Variants in GSTM5 observed in about 807,000 individuals in gnomAD.
The protein encoded by GSTM5 is GST class-mu 5.
Under a neutral mutation model 29.0 loss-of-function variants are expected in GSTM5, and 24 were observed. That is an observed-to-expected ratio of 0.83 (90% CI 0.60 to 1.16). The LOEUF (loss-of-function observed/expected upper bound fraction) is 1.16. Ranked by LOEUF, GSTM5 falls within the 50% of genes most tolerant of loss-of-function variation. The pLI is 0.00. For synonymous variants in GSTM5, 91 were observed against 93.6 expected, an observed-to-expected ratio of 0.97 and a Z score of 0.16; for missense variants, 290 against 263.0, an observed-to-expected ratio of 1.10 and a Z score of -0.71.
rs1261793022 is a variant in GSTM5, at chr1:109,715,059, A to T, written c.456+17A>T. 6.2e-7 allele frequency: 1 copy of T among 1,614,124 alleles called. No homozygotes were observed. Among genetic ancestry groups the T allele is most frequent in the South Asian group, 1.1e-5 (1 of 91,076 alleles). ...GGAGACAAGGTAAAGGAGGAGTGAT[A>T]TGGGGAATGAGATCTGTTTTACTTC... On this transcript the variant is annotated intron_variant, in intron 6 of 7. Transcript: ENST00000256593.
chr1:109,713,418 T>C (rs745376046), intron 3 of GSTM5, 66 bp from the exon 4 acceptor site: 3 of 1,604,870 alleles, frequency 1.9e-6, no homozygotes, highest in African/African-American at 1.3e-5. Flanking sequence ...TGCCCTTGCA[T>C]ATGGGAAGGG....
In GSTM5 at chr1:109,712,634, G is replaced by T. The variant is rs962686646; in HGVS notation, c.53G>T (p.Arg18Leu). ...CTCTCCCAGCTGGCCCACGCCATCCGCTTGCTCCTGGAATACACAGACTCA... is the reference window on the plus strand; with the variant it reads ...CTCTCCCAGCTGGCCCACGCCATCCTCTTGCTCCTGGAATACACAGACTCA... Reference protein sequence around the residue: ...WDIRGLAHAIRLLLEYTDSSY... With the variant: ...WDIRGLAHAILLLLEYTDSSY... Residue 18 changes from arginine to leucine, a missense_variant, in exon 2 of 8, where the codon CGC (arginine) becomes CTC (leucine). Coordinates refer to ENST00000256593, the MANE Select transcript of GSTM5 (RefSeq NM_000851.4). The T allele has an allele frequency of 6.2e-7, 1 of 1,613,948 alleles. No individual in the cohort carries two copies. Among genetic ancestry groups the T allele is most frequent in the Non-Finnish European group, 8.5e-7 (1 of 1,179,942 alleles).
intron 5 of GSTM5, chr1:109,714,555 T>C: frequency 4.3e-6 from 1 of 233,326 alleles, no homozygotes; most frequent in Non-Finnish European, 8.4e-6. Context: ...CAATGTTCAT[T>C]GTTTTCTTCT....
chr1:109,715,913 C>A, intron 7 of GSTM5: 1 of 749,424 alleles, frequency 1.3e-6, no homozygotes. Context: ...CTCTTTTTTT[C>A]CCTCCAATGT....
At chr1:109,716,299 T>C (rs964578266) in intron 7 of GSTM5, 15 of 199,216 alleles carry the variant, frequency 7.5e-5, no homozygotes, top group Non-Finnish European at 1.4e-4. Context: ...GCTCAGCTAG[T>C]TCCCATCAGC....
intron 7 of GSTM5, chr1:109,717,120 G>T: frequency 1.5e-5 from 4 of 263,212 alleles, no homozygotes; most frequent in Non-Finnish European, 2.8e-5. Context: ...TAGATCTTTC[G>T]TAAATGGTAG....
intron 7 of GSTM5, 62 bp downstream of exon 7, chr1:109,715,302 T>C: frequency 6.2e-7 from 1 of 1,614,200 alleles, no homozygotes; most frequent in Non-Finnish European, 8.5e-7. Flanking sequence ...TTTCAGATGC[T>C]TTCCCAGTCC....
intron 3 of GSTM5, 97 bp downstream of exon 3, chr1:109,713,280 T>C (rs1648629859): frequency 6.4e-7 from 1 of 1,557,638 alleles, no homozygotes; most frequent in Admixed American, 1.7e-5. Context: ...TCAGGAGTCT[T>C]CTGCCCAATT....
intron 1 of GSTM5, 132 bp from the exon 2 acceptor site, chr1:109,712,486 G>A: frequency 9.1e-7 from 1 of 1,093,192 alleles, no homozygotes; most frequent in Middle Eastern, 2.1e-4. Context: ...CTGTGTGTGT[G>A]TTTGGGGGTG....
intron 7 of GSTM5, 32 bp from the exon 8 acceptor site, chr1:109,717,305 A>G: frequency 6.4e-7 from 1 of 1,554,788 alleles, no homozygotes; most frequent in South Asian, 1.1e-5. Context: ...TAGACAGCAG[A>G]CCTGGCTCTG....
intron 2 of GSTM5, 37 bp from the exon 3 acceptor site, chr1:109,713,082 T>C (rs538762886): frequency 3.0e-5 from 48 of 1,611,446 alleles, no homozygotes; most frequent in Non-Finnish European, 1.7e-6. Flanking sequence ...AGGGCTGGGC[T>C]CTGGGGAGGT....
chr1:109,715,710 G>C, intron 7 of GSTM5: 1 of 455,974 alleles, frequency 2.2e-6, no homozygotes. Context: ...CATTGATGTT[G>C]AGTACTAAAC....
chr1:109,715,474 A>T, intron 7 of GSTM5: 3 of 1,508,384 alleles, frequency 2.0e-6, no homozygotes, highest in Non-Finnish European at 2.7e-6. Context: ...ACTGAGAATG[A>T]GAGGGTCAGT....
At chr1:109,717,061 C>A (rs1029667695) in intron 7 of GSTM5, 10 of 284,984 alleles carry the variant, frequency 3.5e-5, no homozygotes, top group African/African-American at 1.7e-4. Context: ...AGTGGATTTT[C>A]TAAGCCTGTG....
intron 2 of GSTM5, 55 bp from the exon 3 acceptor site, chr1:109,713,064 C>G: frequency 6.2e-7 from 1 of 1,607,596 alleles, no homozygotes; most frequent in Non-Finnish European, 8.5e-7. Flanking sequence ...GGAGGGTCCC[C>G]GGGAAGGAGG....
chr1:109,713,591 G>C (rs774608604), intron 4 of GSTM5, 26 bp downstream of exon 4: 2 of 1,614,098 alleles, frequency 1.2e-6, no homozygotes, highest in Non-Finnish European at 1.7e-6. Context: ...TGCAATGTGC[G>C]GGGGGAAGGT....
Position 109,713,666 on chromosome 1 carries a change from G to T in GSTM5, c.265G>T (p.Glu89Ter). 1 of 1,614,224 alleles carries T rather than the reference G, an allele frequency of 6.2e-7. No homozygotes were observed. The highest frequency in any genetic ancestry group is 8.5e-7 in the Non-Finnish European group (1 of 1,180,034). The change falls in exon 5 of 8, where the codon GAG (glutamate) becomes TAG (stop). Residue 89 changes from glutamate to a stop codon, truncating the protein, a stop_gained. Coordinates refer to ENST00000256593, the MANE Select transcript of GSTM5 (RefSeq NM_000851.4). LOFTEE classifies it high-confidence loss of function. ...CTGTGTTTTGTGGGTGGCAGGTGGG[G>T]AGACAGAAGAGGAGAAGATTCGTGT... is the stretch of plus-strand genomic sequence containing the variant. Reference protein sequence around the residue: ...YIARKHNLCGETEEEKIRVDI... With the variant: ...YIARKHNLCG
At chr1:109,715,373 C>T (rs1223859340) in intron 7 of GSTM5, 133 bp downstream of exon 7, 3 of 1,589,588 alleles carry the variant, frequency 1.9e-6, no homozygotes, top group Admixed American at 3.7e-5. Context: ...AGGAATCATG[C>T]CCAGCACATT....
intron 5 of GSTM5, 89 bp from the exon 6 acceptor site, chr1:109,714,858 G>T: frequency 7.8e-7 from 1 of 1,275,232 alleles, no homozygotes. Flanking sequence ...CTTGCCTGTG[G>T]CCAGCCTGGG....
Sources: gnomAD v4.1 joint callset for allele counts on GRCh38, gnomAD v4.1.1 for gene constraint, MANE v1.5 for transcripts, NCBI Gene and HGNC (gene_info 2026-07-23, HGNC 2026-07-21) for gene names.